Variants in PASK observed in about 807,000 individuals in gnomAD.
The protein encoded by PASK is PAS domain containing serine/threonine kinase, also known as PAS domain-containing serine/threonine-protein kinase.
PASK carries 110 observed loss-of-function variants against 121.0 expected under a neutral mutation model. The ratio of observed to expected loss-of-function variants is 0.91; its 90% CI spans 0.78 to 1.06. The LOEUF (loss-of-function observed/expected upper bound fraction) is 1.06, where lower values mean the gene tolerates loss of function less well. Among genes scored for constraint, PASK ranks in the 50% least tolerant of loss-of-function variants. The probability of loss-of-function intolerance (pLI) is 0.00; values close to 1 mark genes in which losing one functional copy is unlikely to be tolerated. For missense variants in PASK, 1,643 were observed against 1,702.3 expected, an observed-to-expected ratio of 0.97 and a Z score of 0.61; for synonymous variants, 686 against 717.8, an observed-to-expected ratio of 0.96 and a Z score of 0.71.
chr2:241,132,527 T>TTAAAAAAAAAAAAAAAAAAAAAAA (rs1486560170), intron 9 of PASK, among the ~76,000 whole-genome samples: 1 of 39,526 alleles, frequency 2.5e-5, no homozygotes. Context: ...AGACTCTGTC[T>TTAAAAAAAAAAAAAAAAAAAAAAA]AAAAAAAAAA....
chr2:241,116,617 G>C (rs1001451496), intron 12 of PASK, among the ~76,000 whole-genome samples: 2 of 152,230 alleles, frequency 1.3e-5, no homozygotes, highest in African/African-American at 4.8e-5. Context: ...TCAGACTTTA[G>C]CAAGACTGAC....
Position 241,106,248 on chromosome 2 carries a change from T to TCTCGGTGGTC in PASK, c.*317_*318insGACCACCGAG. Reference sequence around the variant, plus strand: ...ATACCAAGTCAGAGGAAACAAAACATGCACATATACAAAAGTAGAAAGAGA... The same window carrying TCTCGGTGGTC: ...ATACCAAGTCAGAGGAAACAAAACATCTCGGTGGTCGCACATATACAAAAGTAGAAAGAGA... On this transcript the variant is annotated 3_prime_UTR_variant, in exon 18 of 18. Coordinates refer to ENST00000234040, the MANE Select transcript of PASK (RefSeq NM_015148.4). 2.5e-6 allele frequency: 1 copy of TCTCGGTGGTC among 396,944 alleles called. No homozygotes were observed. Among genetic ancestry groups the TCTCGGTGGTC allele is most frequent in the Non-Finnish European group, 4.6e-6 (1 of 215,658 alleles). The allele number at this position is 396,944 out of a possible 1,614,324, so 24.6% of individuals were successfully genotyped here.
intron 8 of PASK, 123 bp from the exon 9 acceptor site, chr2:241,133,153 C>G: frequency 1.0e-6 from 1 of 976,710 alleles, no homozygotes; most frequent in South Asian, 1.3e-5. Context: ...CACCTCTCAC[C>G]ACCCCAGGCG....
chr2:241,149,193 G>A (rs538155301), intron 1 of PASK, among the ~76,000 whole-genome samples: 1 of 152,234 alleles, frequency 6.6e-6, no homozygotes, highest in East Asian at 1.9e-4. Context: ...GGGGCCCAGG[G>A]CCAACGGCCG....
chr2:241,140,011 G>T lies in PASK; in HGVS notation c.474C>A (p.Ser158Arg). The T allele has an allele frequency of 6.2e-7, 1 of 1,613,606 alleles. No homozygotes were observed. Among genetic ancestry groups the T allele is most frequent in the Non-Finnish European group, 8.5e-7 (1 of 1,179,462 alleles). ...GCTTCTGGCCAATCAGGTCCTGGCT[G>T]CTGTACCCCAGGAGCCCGCAAGCTT... is the stretch of plus-strand genomic sequence containing the variant. ...NDKACGLLGY[S>R]SQDLIGQKLT... Residue 158 changes from serine to arginine, a missense_variant, in exon 4 of 18, where the codon AGC becomes AGA. By Grantham distance (110) the Ser-to-Arg change is moderately radical (BLOSUM62 -1). Coordinates refer to ENST00000234040, the MANE Select transcript of PASK (RefSeq NM_015148.4).
intron 6 of PASK, among the ~76,000 whole-genome samples, chr2:241,137,720 T>C (rs1366649480): frequency 6.6e-6 from 1 of 152,198 alleles, no homozygotes; most frequent in Non-Finnish European, 1.5e-5. Flanking sequence ...CATCCACCTC[T>C]GTGGGTGGCC....
intron 8 of PASK, 114 bp downstream of exon 8, chr2:241,135,757 C>A: frequency 2.0e-6 from 2 of 995,450 alleles, no homozygotes; most frequent in South Asian, 1.3e-5. Flanking sequence ...CCCCACCACC[C>A]CTGAGCCTCT....
In PASK at chr2:241,112,661, G is replaced by C. The variant is rs959339245; in HGVS notation, c.3334-222C>G. ...TTCACTGGGGATGGCCACGTTAGCC[G>C]GCAAGGTGGCAACATCAATGAGACT... On this transcript the variant is annotated intron_variant, in intron 14 of 17. Transcript: ENST00000234040. This position sits in a 1 kb window ranked among gnomAD's most constrained non-coding sequence, Gnocchi z 5.2. 1.9e-6 allele frequency: 1 copy of C among 517,316 alleles called. No homozygotes were observed. The highest frequency in any genetic ancestry group is 1.9e-5 in the African/African-American group (1 of 51,896). 32.0% of individuals were successfully genotyped at this position (517,316 alleles called of 1,614,324 possible).
At chr2:241,132,771 A>T in intron 9 of PASK, 103 bp downstream of exon 9, 3 of 977,302 alleles carry the variant, frequency 3.1e-6, no homozygotes, top group East Asian at 4.8e-5. Context: ...TTTCAATGTT[A>T]CTATGAATAA....
upstream of PASK, chr2:241,150,275 T>G: frequency 7.6e-7 from 1 of 1,317,978 alleles, no homozygotes; most frequent in South Asian, 2.3e-5. Flanking sequence ...GCCTCCAGAC[T>G]GTTCCGGCTC....
At chr2:241,128,459 G>A (rs1319546250) in intron 9 of PASK, among the ~76,000 whole-genome samples, 2 of 152,318 alleles carry the variant, frequency 1.3e-5, no homozygotes, top group African/African-American at 2.4e-5. Context: ...CCTCCTGTCA[G>A]CCCAGCCACT....
Position 241,123,379 on chromosome 2 carries a change from T to C in PASK, c.2905-480A>G, listed in dbSNP as rs190971070. 8.4e-3 allele frequency among the ~76,000 whole-genome samples: 1,270 copies of C among 151,990 alleles called. 7 individuals are homozygous for C. The highest frequency in any genetic ancestry group is 0.013 in the Non-Finnish European group (905 of 67,934). On this transcript the variant is annotated intron_variant, in intron 11 of 17. Coordinates refer to ENST00000234040, the MANE Select transcript of PASK (RefSeq NM_015148.4). The stretch of plus-strand genomic sequence containing the variant: ...TTTTTTAGTAGAGATGGGGTTTCAC[T>C]GTGTTAGCCAGGATGGTCTTGATCT...
Position 241,139,882 on chromosome 2 carries a change from C to T in PASK, c.600+3G>A, listed in dbSNP as rs2066620870. On this transcript the variant is annotated splice_donor_region_variant and intron_variant, in intron 4 of 17. Coordinates refer to ENST00000234040, the MANE Select transcript of PASK (RefSeq NM_015148.4). Reference sequence around the variant, plus strand: ...ACTGAACGCTGCACCCGCATCCACTCACCACCGTGCCAAACACCACCGCAG... The same window carrying T: ...ACTGAACGCTGCACCCGCATCCACTTACCACCGTGCCAAACACCACCGCAG... 1.2e-6 allele frequency: 2 copies of T among 1,613,936 alleles called. No individual in the cohort carries two copies. Among genetic ancestry groups the T allele is most frequent in the Non-Finnish European group, 1.7e-6 (2 of 1,179,872 alleles).
chr2:241,112,815 G>A lies in PASK; in HGVS notation c.3334-376C>T, dbSNP rs899828089. On this transcript the variant is annotated intron_variant, in intron 14 of 17. Transcript: ENST00000234040. The surrounding 1 kb of genome is among the most constrained non-coding windows in gnomAD (Gnocchi z 5.2). ...GCTCAAAGACACTCATGGTGGGCAAGTGAATGGGTGCAGGTTTGGTGTTAA... is the reference window on the plus strand; with the variant it reads ...GCTCAAAGACACTCATGGTGGGCAAATGAATGGGTGCAGGTTTGGTGTTAA... The A allele has an allele frequency of 3.5e-6, 1 of 285,536 alleles. No homozygotes were observed. The highest frequency in any genetic ancestry group is 6.8e-6 in the Non-Finnish European group (1 of 148,018). The allele number at this position is 285,536 out of a possible 1,614,324, so 17.7% of individuals were successfully genotyped here.
intron 8 of PASK, chr2:241,133,645 T>A (rs6437242): frequency 0.38 from 63,757 of 165,618 alleles, 13,051 homozygotes; most frequent in Middle Eastern, 0.55. Flanking sequence ...AGGGGATGAA[T>A]GTATGTCTCT....
intron 10 of PASK, among the ~76,000 whole-genome samples, chr2:241,124,656 C>G (rs1388425374): frequency 6.6e-6 from 1 of 152,236 alleles, no homozygotes; most frequent in Non-Finnish European, 1.5e-5. Flanking sequence ...CCACAGCCTC[C>G]TAGCTATACA....
Position 241,126,636 on chromosome 2 carries a change from G to C in PASK, c.2279C>G (p.Ser760Cys), listed in dbSNP as rs1404752975. The change falls in exon 10 of 18, where the codon TCC (serine) becomes TGC (cysteine). Residue 760 changes from serine (S) to cysteine (C), a missense_variant. Physicochemically the swap from Ser to Cys is moderately radical, Grantham distance 112 (BLOSUM62 -1). This residue lies in a region of PASK where 1,176 missense variants were observed against 1,162.2 expected (regional missense o/e 1.01). Transcript: ENST00000234040. ...DQTDQTSSNC[S>C]CATSELRETP... ...CTCTCTGAGTTCAGACGTAGCACAG[G>C]AACAATTTGATGACGTTTGGTCTGT... The C allele has an allele frequency of 6.2e-7, 1 of 1,614,192 alleles. No individual in the cohort carries two copies.
upstream of PASK, chr2:241,149,608 C>A (rs774280358): frequency 2.0e-4 from 300 of 1,526,402 alleles, no homozygotes; most frequent in Non-Finnish European, 2.6e-4. Flanking sequence ...AGGGACGCAC[C>A]AAACACCCCT....
intron 8 of PASK, 138 bp downstream of exon 8, chr2:241,135,733 C>T (rs2066384762): frequency 1.6e-6 from 1 of 628,478 alleles, no homozygotes; most frequent in African/African-American, 3.0e-5. Context: ...AAAACAGTCA[C>T]CCCCTACTCC....
Sources: gnomAD v4.1 joint callset for allele counts (sites outside exome capture counted in the v4.1 genomes callset) on GRCh38, gnomAD v4.1.1 for gene constraint, gnomAD v4.1.1 regional missense constraint, Gnocchi (gnomAD v3.1) non-coding constraint, MANE v1.5 for transcripts, NCBI Gene and HGNC (gene_info 2026-07-23, HGNC 2026-07-21) for gene names.